ARHGEF7: variants seen among roughly 807,000 people sequenced by gnomAD.
ARHGEF7 encodes the protein Rho guanine nucleotide exchange factor 7.
A neutral mutation model predicts 109.8 loss-of-function variants in ARHGEF7; 33 were observed. That is an observed-to-expected ratio of 0.30 (90% confidence interval 0.23 to 0.40). ARHGEF7 has a LOEUF of 0.40. ARHGEF7 is among the 10% of genes least tolerant of loss of function. The probability of loss-of-function intolerance (pLI) is 1.00; values close to 1 mark genes in which losing one functional copy is unlikely to be tolerated. For missense variants in ARHGEF7, 938 were observed against 1,098.5 expected (o/e 0.85, Z 2.07); for synonymous variants, 458 against 424.6 (o/e 1.08, Z -0.97).
chr13:111,208,195 C>T (rs1347534517), intron 3 of ARHGEF7, among the ~76,000 whole-genome samples: 3 of 152,314 alleles, frequency 2.0e-5, no homozygotes, highest in Middle Eastern at 6.8e-3. Context: ...CACGTGGCAC[C>T]ACACCCGGCT....
At chr13:111,166,041 T>C (rs371872973) in intron 2 of ARHGEF7, among the ~76,000 whole-genome samples, 11 of 152,284 alleles carry the variant, frequency 7.2e-5, no homozygotes, top group African/African-American at 2.6e-4. Flanking sequence ...TCACATCTGG[T>C]TCATCTTCCT....
intron 2 of ARHGEF7, among the ~76,000 whole-genome samples, chr13:111,174,855 C>G (rs144036752): frequency 1.3e-5 from 2 of 152,268 alleles, no homozygotes; most frequent in African/African-American, 4.8e-5. Flanking sequence ...GCTAGGCGTG[C>G]GAGGACTAGA....
intron 19 of ARHGEF7, among the ~76,000 whole-genome samples, chr13:111,300,165 G>T (rs886592976): frequency 6.6e-6 from 1 of 152,072 alleles, no homozygotes; most frequent in Non-Finnish European, 1.5e-5. Context: ...TGACAGAAAT[G>T]TTCTGACATT....
intron 9 of ARHGEF7, among the ~76,000 whole-genome samples, chr13:111,269,054 C>A (rs929470475): frequency 5.3e-5 from 8 of 152,138 alleles, no homozygotes; most frequent in African/African-American, 1.7e-4. Context: ...AAAAGGAAAA[C>A]CCAAAGAACC....
At chr13:111,293,426 C>G in intron 19 of ARHGEF7, 2 of 950,558 alleles carry the variant, frequency 2.1e-6, no homozygotes, top group Non-Finnish European at 2.4e-6. Context: ...TGCCATGTGG[C>G]TCACTTATTT....
rs764738712 is a variant in ARHGEF7, at chr13:111,277,548, T to G, written c.1420-39T>G. 2.2e-6 allele frequency: 3 copies of G among 1,339,026 alleles called. No homozygotes were observed. In the African/African-American group the frequency reaches 4.3e-5, roughly 19 times the overall value. The allele number at this position is 1,339,026 out of a possible 1,614,324, so 82.9% of individuals were successfully genotyped here. A position where few individuals can be genotyped will look rare whatever the true frequency, so the allele number is the denominator to read the frequency against. On this transcript the variant is annotated intron_variant, in intron 12 of 21. Coordinates refer to ENST00000646102, the MANE Select transcript of ARHGEF7 (RefSeq NM_001354046.2). ...TGTGCTCACATTTGTTAAGTAGATG[T>G]TTTTTAAGAAATGTTTTGGATTTCT...
chr13:111,135,437 G>T (rs948483194), intron 1 of ARHGEF7, among the ~76,000 whole-genome samples: 5 of 152,220 alleles, frequency 3.3e-5, no homozygotes, highest in African/African-American at 1.2e-4. Flanking sequence ...CATGAGCATG[G>T]AATGTTCCTC....
At chr13:111,191,383 G>A (rs927730424) in intron 2 of ARHGEF7, among the ~76,000 whole-genome samples, 1 of 152,172 alleles carries the variant, frequency 6.6e-6, no homozygotes, top group African/African-American at 2.4e-5. Flanking sequence ...GCTTTTCATT[G>A]CTTGTGTAAT....
chr13:111,146,061 A>C (rs1472542796), intron 1 of ARHGEF7, among the ~76,000 whole-genome samples: 1 of 152,176 alleles, frequency 6.6e-6, no homozygotes, highest in Middle Eastern at 3.2e-3. Flanking sequence ...TGAGATGTGC[A>C]CAAGTAGGTC....
intron 1 of ARHGEF7, among the ~76,000 whole-genome samples, chr13:111,135,300 T>C (rs1283160159): frequency 6.6e-6 from 1 of 152,122 alleles, no homozygotes; most frequent in Admixed American, 6.5e-5. Context: ...TTTGGTTCCA[T>C]ATGAACTTTA....
At chr13:111,294,676 C>A in intron 19 of ARHGEF7, 1 of 985,374 alleles carries the variant, frequency 1.0e-6, no homozygotes, top group Non-Finnish European at 1.2e-6. Context: ...GTGGCAGTGG[C>A]GATGTGGCAT....
At chr13:111,284,555 G>A (rs943781682) in intron 16 of ARHGEF7, among the ~76,000 whole-genome samples, 1 of 152,182 alleles carries the variant, frequency 6.6e-6, no homozygotes, top group Non-Finnish European at 1.5e-5. Context: ...TACTAGGGAA[G>A]AAAATTGGGA....
chr13:111,167,522 A>G (rs1032112283), intron 2 of ARHGEF7, among the ~76,000 whole-genome samples: 6 of 152,102 alleles, frequency 3.9e-5, no homozygotes, highest in Admixed American at 2.6e-4. Context: ...AGCTCTTTGT[A>G]TCACTCCTAT....
intron 5 of ARHGEF7, among the ~76,000 whole-genome samples, chr13:111,224,087 C>T (rs1213741089): frequency 6.6e-6 from 1 of 152,186 alleles, no homozygotes; most frequent in Non-Finnish European, 1.5e-5. Flanking sequence ...GAACACCTGA[C>T]CTTGTCATCT....
At chr13:111,267,803 A>G in intron 9 of ARHGEF7, 133 bp downstream of exon 9, 1 of 1,135,320 alleles carries the variant, frequency 8.8e-7, no homozygotes, top group Non-Finnish European at 1.2e-6. Flanking sequence ...CCTCAAAATT[A>G]GTGCTTGAGA....
chr13:111,197,954 C>T (rs917937148), intron 2 of ARHGEF7, among the ~76,000 whole-genome samples: 4 of 151,364 alleles, frequency 2.6e-5, no homozygotes, highest in Admixed American at 1.3e-4. Flanking sequence ...GATAGATGGG[C>T]GAGTCTCACT....
At chr13:111,293,482 A>G in intron 19 of ARHGEF7, 1 of 985,056 alleles carries the variant, frequency 1.0e-6, no homozygotes. Flanking sequence ...GATTTGTTGT[A>G]AGGAGTTTTC....
intron 2 of ARHGEF7, among the ~76,000 whole-genome samples, chr13:111,163,604 A>C (rs940934553): frequency 6.6e-6 from 1 of 152,038 alleles, no homozygotes; most frequent in Admixed American, 6.6e-5. Context: ...TCACTCTATT[A>C]CCCAGGCTGG....
intron 1 of ARHGEF7, among the ~76,000 whole-genome samples, chr13:111,147,193 T>C (rs1181660351): frequency 6.6e-6 from 1 of 152,236 alleles, no homozygotes; most frequent in Non-Finnish European, 1.5e-5. Flanking sequence ...ACCTATGCTT[T>C]CATCTCTCTT....
Sources: allele counts gnomAD v4.1 joint callset (sites outside exome capture counted in the v4.1 genomes callset), GRCh38; gene constraint gnomAD v4.1.1; transcripts MANE v1.5; gene names NCBI Gene and HGNC (gene_info 2026-07-23, HGNC 2026-07-21).